The following NRXN1 variants were observed in gnomAD, a reference collection of about 807,000 sequenced individuals.
The protein encoded by NRXN1 is neurexin-1.
NRXN1 carries 39 observed loss-of-function variants against 150.9 expected under a neutral mutation model. The ratio of observed to expected loss-of-function variants is 0.26; its 90% CI spans 0.20 to 0.34. The LOEUF (loss-of-function observed/expected upper bound fraction) is 0.34, where lower values mean the gene tolerates loss of function less well. Ranked by LOEUF, NRXN1 falls within the 10% of genes least tolerant of loss-of-function variation. The pLI is 1.00. For synonymous variants in NRXN1, 924 were observed against 757.0 expected (o/e 1.22, Z -3.62); for missense variants, 1,815 against 1,949.9 (o/e 0.93, Z 1.30).
At chr2:50,784,420 A>G (rs1424564760) in intron 5 of NRXN1, among the ~76,000 whole-genome samples, 1 of 152,064 alleles carries the variant, frequency 6.6e-6, no homozygotes, top group Non-Finnish European at 1.5e-5. Flanking sequence ...ATGAATGCAT[A>G]GGAGTGACCC....
At chr2:50,865,580 A>ATGTGTGTG (rs112867077) in intron 5 of NRXN1, among the ~76,000 whole-genome samples, 5,201 of 130,702 alleles carry the variant, frequency 0.04, 110 homozygotes, top group Middle Eastern at 0.054. Context: ...AAATATATAA[A>ATGTGTGTG]TGTGTGTGTG....
At chr2:50,216,016 T>C (rs2063371180) in intron 18 of NRXN1, among the ~76,000 whole-genome samples, 1 of 151,992 alleles carries the variant, frequency 6.6e-6, no homozygotes, top group Non-Finnish European at 1.5e-5. Context: ...AGATAAAGAA[T>C]GGAGGGAGTG....
chr2:50,935,460 AG>A (rs1367242457), intron 2 of NRXN1, among the ~76,000 whole-genome samples: 2 of 152,174 alleles, frequency 1.3e-5, no homozygotes, highest in Non-Finnish European at 2.9e-5. Context: ...GGCTGGGCGC[AG>A]TGGCTCAGGC....
At chr2:49,961,339 C>A (rs902138400) in intron 21 of NRXN1, among the ~76,000 whole-genome samples, 2 of 151,974 alleles carry the variant, frequency 1.3e-5, no homozygotes, top group Admixed American at 1.3e-4. Flanking sequence ...CACACACACA[C>A]ACACACACAT....
At chr2:50,237,258 T>A (rs896744301) in intron 17 of NRXN1, among the ~76,000 whole-genome samples, 1 of 152,032 alleles carries the variant, frequency 6.6e-6, no homozygotes, top group Non-Finnish European at 1.5e-5. Context: ...CGGAATGTAA[T>A]GAGGCATTAT....
intron 5 of NRXN1, among the ~76,000 whole-genome samples, chr2:50,764,021 CTT>C (rs11458761): frequency 2.5e-4 from 35 of 142,500 alleles, no homozygotes; most frequent in Admixed American, 4.2e-4. Context: ...TCCGTTGGCC[CTT>C]TTTTTTTTTT....
At chr2:50,069,885 C>G (rs1256490816) in intron 19 of NRXN1, among the ~76,000 whole-genome samples, 6 of 143,348 alleles carry the variant, frequency 4.2e-5, no homozygotes, top group Admixed American at 2.9e-4. Context: ...GAGTCTCGCT[C>G]TGTCACCCAG....
At chr2:49,950,254 T>A (rs1027065589) in intron 21 of NRXN1, among the ~76,000 whole-genome samples, 2 of 151,936 alleles carry the variant, frequency 1.3e-5, no homozygotes, top group Non-Finnish European at 2.9e-5. Context: ...ACAATCCTAT[T>A]AAGGTGCAAG....
chr2:49,999,300 A>ATAG (rs1683517252), intron 21 of NRXN1, among the ~76,000 whole-genome samples: 3 of 152,234 alleles, frequency 2.0e-5, no homozygotes, highest in Admixed American at 2.0e-4. Context: ...CTCCAAAATG[A>ATAG]CTTTCCTTAT....
intron 21 of NRXN1, among the ~76,000 whole-genome samples, chr2:49,980,138 C>G (rs1679743493): frequency 6.6e-6 from 1 of 152,126 alleles, no homozygotes; most frequent in Non-Finnish European, 1.5e-5. Flanking sequence ...AACTGAAAGT[C>G]TACGACTACA....
chr2:50,723,630 G>A (rs922026496), intron 5 of NRXN1, among the ~76,000 whole-genome samples: 3 of 152,200 alleles, frequency 2.0e-5, no homozygotes, highest in Non-Finnish European at 4.4e-5. Context: ...TACCCAGAGG[G>A]CCTGGGGAAG....
chr2:50,705,910 CA>C (rs1358359754), intron 5 of NRXN1, among the ~76,000 whole-genome samples: 1 of 152,124 alleles, frequency 6.6e-6, no homozygotes, highest in Non-Finnish European at 1.5e-5. Context: ...GGCTCTCCTA[CA>C]AATTCTAATT....
intron 5 of NRXN1, among the ~76,000 whole-genome samples, chr2:50,638,743 G>T (rs1488194345): frequency 6.6e-6 from 1 of 152,070 alleles, no homozygotes; most frequent in Non-Finnish European, 1.5e-5. Flanking sequence ...TTCCTTGACA[G>T]TATATGGCAA....
chr2:49,946,499 GT>G (rs1168751067), intron 21 of NRXN1, among the ~76,000 whole-genome samples: 3 of 151,952 alleles, frequency 2.0e-5, no homozygotes, highest in African/African-American at 4.8e-5. Context: ...TTCTTCTAGG[GT>G]TTTTTATGGT....
chr2:50,870,120 A>G (rs1190992267), intron 5 of NRXN1, among the ~76,000 whole-genome samples: 1 of 151,898 alleles, frequency 6.6e-6, no homozygotes, highest in East Asian at 1.9e-4. Flanking sequence ...ACTCAGAGAA[A>G]TCTGTGTTGG....
At chr2:50,562,328 A>ATGATAGAT (rs1558940727) in intron 8 of NRXN1, among the ~76,000 whole-genome samples, 6 of 102,922 alleles carry the variant, frequency 5.8e-5, no homozygotes, top group African/African-American at 3.2e-4. Context: ...TGATAGATAT[A>ATGATAGAT]CGATAGATAG....
intron 21 of NRXN1, among the ~76,000 whole-genome samples, chr2:49,952,856 T>C (rs896676701): frequency 6.6e-6 from 1 of 152,256 alleles, no homozygotes; most frequent in Admixed American, 6.6e-5. Flanking sequence ...ATCATTAGAG[T>C]TCTGTCAGAT....
chr2:50,240,883 T>C (rs1415960054), intron 17 of NRXN1, among the ~76,000 whole-genome samples: 1 of 151,722 alleles, frequency 6.6e-6, no homozygotes, highest in Non-Finnish European at 1.5e-5. Context: ...GTGAGGGCAG[T>C]TGTGTGTGCT....
chr2:50,206,241 A>T (rs2062562770), intron 18 of NRXN1, among the ~76,000 whole-genome samples: 3 of 150,664 alleles, frequency 2.0e-5, no homozygotes. Flanking sequence ...ACACACACAC[A>T]CACACACACA....
Sources: allele counts gnomAD v4.1 joint callset (sites outside exome capture counted in the v4.1 genomes callset), GRCh38; gene constraint gnomAD v4.1.1; transcripts MANE v1.5; gene names NCBI Gene and HGNC (gene_info 2026-07-23, HGNC 2026-07-21).